The following FREM2 variants were observed in gnomAD, a reference collection of about 807,000 sequenced individuals.
The protein encoded by FREM2 is FRAS1 related extracellular matrix 2, also known as FRAS1-related extracellular matrix protein 2.
Under a neutral mutation model 219.9 loss-of-function variants are expected in FREM2, and 119 were observed. The observed-to-expected ratio is 0.54, with a 90% CI of 0.47 to 0.63. The LOEUF is 0.63. FREM2 is among the 30% of genes least tolerant of loss of function. The pLI is 0.00. For missense variants in FREM2, 4,030 were observed against 3,993.6 expected (o/e 1.01, Z -0.25); for synonymous variants, 1,562 against 1,522.8 (o/e 1.03, Z -0.60).
intron 6 of FREM2, among the ~76,000 whole-genome samples, chr13:38,822,982 A>C (rs1876127633): frequency 6.6e-6 from 1 of 152,108 alleles, no homozygotes; most frequent in Non-Finnish European, 1.5e-5. Flanking sequence ...GTAGGCACAC[A>C]TCTTACCAGA....
rs552317545 is a variant in FREM2 at position 38,687,330 on chromosome 13, C to T, written c.-15C>T. 41 of 1,590,678 alleles carry T rather than the reference C, an allele frequency of 2.6e-5. No individual in the cohort carries two copies. In the South Asian group the frequency reaches 4.1e-4, roughly 16 times the overall value. ...TGCTCTCAGGCTGACCTGTCCAAGCCCGAACACCGGGACCATGCACTCAGC... is the reference window on the plus strand; with the variant it reads ...TGCTCTCAGGCTGACCTGTCCAAGCTCGAACACCGGGACCATGCACTCAGC... On this transcript the variant is annotated 5_prime_UTR_variant, in exon 1 of 24. Transcript: ENST00000280481.
intron 2 of FREM2, among the ~76,000 whole-genome samples, chr13:38,729,531 T>C (rs1263427189): frequency 6.6e-6 from 1 of 152,212 alleles, no homozygotes; most frequent in African/African-American, 2.4e-5. Context: ...TTGTGCTAAT[T>C]TTATTTCTGT....
chr13:38,728,917 C>G (rs1871648557), intron 2 of FREM2, among the ~76,000 whole-genome samples: 2 of 152,150 alleles, frequency 1.3e-5, no homozygotes, highest in Non-Finnish European at 2.9e-5. Flanking sequence ...CTCACCACAA[C>G]CTCCGCCTCC....
chr13:38,876,318 G>A lies in FREM2; in HGVS notation c.8480G>A (p.Arg2827His), dbSNP rs915899367. The stretch of plus-strand genomic sequence containing the variant: ...ACTGCCCCATCACATCAGGAATACC[G>A]CCTGCCAGTCACCTGCAACCCCAGA... ...PCTAPSHQEY[R>H]LPVTCNPREP... Residue 2827 changes from arginine to histidine, a missense_variant, in exon 20 of 24, where the codon CGC becomes CAC. Around this residue, in one of 2 missense-constraint regions of FREM2, gnomAD observed 928 missense variants for 1,042.9 expected, o/e 0.89. Coordinates refer to ENST00000280481, the MANE Select transcript of FREM2 (RefSeq NM_207361.6). 1.5e-5 allele frequency: 24 copies of A among 1,613,606 alleles called. No homozygotes were observed. Among genetic ancestry groups the A allele is most frequent in the South Asian group, 3.3e-5 (3 of 91,064 alleles).
At chr13:38,777,292 C>T (rs1318967255) in intron 4 of FREM2, among the ~76,000 whole-genome samples, 1 of 152,138 alleles carries the variant, frequency 6.6e-6, no homozygotes, top group East Asian at 1.9e-4. Context: ...CTTAGCAGTA[C>T]TTCGTGTTGC....
intron 6 of FREM2, among the ~76,000 whole-genome samples, chr13:38,795,326 ATT>A (rs71074481): frequency 6.8e-6 from 1 of 147,594 alleles, no homozygotes; most frequent in Non-Finnish European, 1.5e-5. Context: ...TTTCCAACAT[ATT>A]TTTTTTTTTC....
intron 19 of FREM2, 31 bp from the exon 20 acceptor site, chr13:38,876,217 A>C (rs375672301): frequency 4.6e-4 from 740 of 1,613,866 alleles, no homozygotes; most frequent in Non-Finnish European, 6.1e-4. Context: ...CAGATTTTTA[A>C]ATGTAATATA....
chr13:38,826,325 T>C (rs904954365), intron 6 of FREM2, among the ~76,000 whole-genome samples: 2 of 152,098 alleles, frequency 1.3e-5, no homozygotes, highest in East Asian at 3.9e-4. Flanking sequence ...ATTTCCCCAG[T>C]GTCGGGCATT....
At chr13:38,731,292 A>T (rs536619817) in intron 2 of FREM2, among the ~76,000 whole-genome samples, 3 of 152,346 alleles carry the variant, frequency 2.0e-5, no homozygotes, top group South Asian at 4.1e-4. Context: ...TGACAAAAAC[A>T]TACAAAGTAA....
At chr13:38,804,653 C>A (rs895267218) in intron 6 of FREM2, among the ~76,000 whole-genome samples, 1 of 151,986 alleles carries the variant, frequency 6.6e-6, no homozygotes, top group Non-Finnish European at 1.5e-5. Context: ...TGATTAAAAG[C>A]AATTGTATGA....
chr13:38,863,514 A>G (rs915042069), intron 15 of FREM2, among the ~76,000 whole-genome samples: 23 of 151,208 alleles, frequency 1.5e-4, no homozygotes, highest in African/African-American at 5.1e-4. Flanking sequence ...AATACATTAC[A>G]TATTAACATG....
intron 14 of FREM2, among the ~76,000 whole-genome samples, chr13:38,860,491 T>C (rs1364633874): frequency 1.3e-5 from 2 of 152,230 alleles, no homozygotes; most frequent in Non-Finnish European, 1.5e-5. Flanking sequence ...ATTTACTGCA[T>C]AGAGGTCATA....
At chr13:38,744,930 A>C (rs1872406283) in intron 2 of FREM2, among the ~76,000 whole-genome samples, 1 of 152,268 alleles carries the variant, frequency 6.6e-6, no homozygotes, top group African/African-American at 2.4e-5. Flanking sequence ...AATTGAATCC[A>C]TTATTTATGT....
intron 6 of FREM2, among the ~76,000 whole-genome samples, chr13:38,841,728 G>A (rs1333506): frequency 0.14 from 21,568 of 152,078 alleles, 1,764 homozygotes; most frequent in Admixed American, 0.24. Flanking sequence ...GATGCTAAGA[G>A]TGTCCTCTTC....
At chr13:38,754,920 A>ATTG (rs1872934820) in intron 2 of FREM2, among the ~76,000 whole-genome samples, 1 of 150,168 alleles carries the variant, frequency 6.7e-6, no homozygotes, top group African/African-American at 2.4e-5. Context: ...TATTATTATT[A>ATTG]GAGATGGAGT....
intron 7 of FREM2, among the ~76,000 whole-genome samples, chr13:38,847,097 T>C (rs1240008730): frequency 6.6e-6 from 1 of 152,130 alleles, no homozygotes; most frequent in African/African-American, 2.4e-5. Context: ...GACATTTAGG[T>C]ATTATGCAGG....
At chr13:38,741,756 G>C (rs752762063) in intron 2 of FREM2, among the ~76,000 whole-genome samples, 2 of 152,154 alleles carry the variant, frequency 1.3e-5, no homozygotes, top group Non-Finnish European at 2.9e-5. Context: ...TAATCGTTAT[G>C]TATCTGTGGC....
chr13:38,852,176 C>T (rs908354586), intron 11 of FREM2, among the ~76,000 whole-genome samples: 31 of 152,272 alleles, frequency 2.0e-4, no homozygotes, highest in African/African-American at 4.6e-4. Context: ...TCATTCCACA[C>T]TCTATGTCCA....
At chr13:38,744,394 G>A (rs1321991336) in intron 2 of FREM2, among the ~76,000 whole-genome samples, 1 of 151,000 alleles carries the variant, frequency 6.6e-6, no homozygotes, top group Admixed American at 6.6e-5. Context: ...TGTAGAGATG[G>A]TGTCTCACTA....
Sources: gnomAD v4.1 joint callset for allele counts (sites outside exome capture counted in the v4.1 genomes callset) on GRCh38, gnomAD v4.1.1 for gene constraint, gnomAD v4.1.1 regional missense constraint, MANE v1.5 for transcripts, NCBI Gene and HGNC (gene_info 2026-07-23, HGNC 2026-07-21) for gene names.